Variants in RABGAP1L observed in about 807,000 individuals in gnomAD.
RABGAP1L encodes the protein RAB GTPase activating protein 1 like.
RABGAP1L carries 63 observed loss-of-function variants against 137.7 expected under a neutral mutation model. The ratio of observed to expected loss-of-function variants is 0.46; its 90% CI spans 0.37 to 0.56. RABGAP1L has a LOEUF of 0.56. RABGAP1L is among the 20% of genes least tolerant of loss of function. The pLI is 0.00. For missense variants in RABGAP1L, 1,095 were observed against 1,244.0 expected, an observed-to-expected ratio of 0.88 and a Z score of 1.80; for synonymous variants, 431 against 433.7, an observed-to-expected ratio of 0.99 and a Z score of 0.08.
chr1:174,574,055 T>C (rs1196753466), intron 13 of RABGAP1L, among the ~76,000 whole-genome samples: 2 of 152,230 alleles, frequency 1.3e-5, no homozygotes, highest in Non-Finnish European at 2.9e-5. Context: ...ATAAGAGGCA[T>C]GCTAATTACG....
chr1:174,719,354 A>G (rs1296903154), intron 17 of RABGAP1L, among the ~76,000 whole-genome samples: 1 of 152,222 alleles, frequency 6.6e-6, no homozygotes, highest in Non-Finnish European at 1.5e-5. Context: ...CTGTCTTCCT[A>G]TCTTCAACCT....
At chr1:174,685,520 T>A (rs930668470) in intron 15 of RABGAP1L, among the ~76,000 whole-genome samples, 4 of 151,774 alleles carry the variant, frequency 2.6e-5, no homozygotes, top group Non-Finnish European at 5.9e-5. Flanking sequence ...CCCAAAGTGC[T>A]GGGATTACAG....
intron 19 of RABGAP1L, among the ~76,000 whole-genome samples, chr1:174,923,062 T>G (rs1369331166): frequency 1.3e-5 from 2 of 151,548 alleles, no homozygotes; most frequent in African/African-American, 2.4e-5. Flanking sequence ...TCCCAGCTAC[T>G]TGGGGGGTCA....
At chr1:174,357,990 C>G (rs577349280) in intron 11 of RABGAP1L, among the ~76,000 whole-genome samples, 61 of 152,318 alleles carry the variant, frequency 4.0e-4, no homozygotes, top group African/African-American at 1.5e-3. Context: ...ATGTTAGATA[C>G]AGACAACTGA....
chr1:174,477,610 G>A (rs1185497722), intron 13 of RABGAP1L, among the ~76,000 whole-genome samples: 1 of 152,058 alleles, frequency 6.6e-6, no homozygotes, highest in Non-Finnish European at 1.5e-5. Context: ...TGGACATCTG[G>A]ACATCTTTTT....
intron 13 of RABGAP1L, among the ~76,000 whole-genome samples, chr1:174,563,242 T>G (rs1244056943): frequency 6.6e-6 from 1 of 152,214 alleles, no homozygotes; most frequent in Admixed American, 6.5e-5. Flanking sequence ...GTGCTTAAAC[T>G]TAAAATTTAT....
At chr1:174,621,827 G>A (rs1354963797) in intron 13 of RABGAP1L, among the ~76,000 whole-genome samples, 2 of 152,150 alleles carry the variant, frequency 1.3e-5, no homozygotes, top group African/African-American at 4.8e-5. Context: ...AAAAAGTAAT[G>A]GCAACAAAAG....
At position 174,547,499 on chromosome 1, in the gene RABGAP1L, C is replaced by T. The variant is rs566497095; in HGVS notation, c.1711-89876C>T. 2.0e-5 allele frequency among the ~76,000 whole-genome samples: 3 copies of T among 152,186 alleles called. No individual in the cohort carries two copies. In the East Asian group the frequency reaches 5.8e-4, roughly 29 times the overall value. ...GGATGTGATAGTGTGTGCCTGTATG[C>T]CCAGGTACTTAGGTGGCTGAGGTGG... On this transcript the variant is annotated intron_variant, in intron 13 of 25. Coordinates refer to ENST00000681986, the MANE Select transcript of RABGAP1L (RefSeq NM_001366446.1).
chr1:174,596,854 G>C (rs560178634), intron 13 of RABGAP1L, among the ~76,000 whole-genome samples: 1 of 152,022 alleles, frequency 6.6e-6, no homozygotes, highest in African/African-American at 2.4e-5. Context: ...TTTTCTATAT[G>C]GCTTTTATTG....
intron 12 of RABGAP1L, among the ~76,000 whole-genome samples, chr1:174,378,002 T>C (rs1345807158): frequency 7.3e-6 from 1 of 137,084 alleles, no homozygotes; most frequent in Non-Finnish European, 1.5e-5. Context: ...GATCTCATTG[T>C]TCAATTCTCA....
intron 13 of RABGAP1L, among the ~76,000 whole-genome samples, chr1:174,537,126 C>T (rs1309777550): frequency 6.6e-6 from 1 of 152,102 alleles, no homozygotes; most frequent in Non-Finnish European, 1.5e-5. Context: ...ATTTCATAAA[C>T]CTCTTTTTAG....
chr1:174,440,092 T>C (rs1390004633), intron 13 of RABGAP1L, among the ~76,000 whole-genome samples: 1 of 152,092 alleles, frequency 6.6e-6, no homozygotes, highest in African/African-American at 2.4e-5. Context: ...CCTGAGGCCG[T>C]AGGGAACATA....
chr1:174,415,558 T>G (rs1207154513), intron 13 of RABGAP1L, among the ~76,000 whole-genome samples: 1 of 152,070 alleles, frequency 6.6e-6, no homozygotes, highest in Admixed American at 6.6e-5. Flanking sequence ...GGTGACAAAT[T>G]TTTTGAAGAC....
At chr1:174,879,406 T>TG (rs57601375) in intron 19 of RABGAP1L, among the ~76,000 whole-genome samples, 1 of 151,560 alleles carries the variant, frequency 6.6e-6, no homozygotes, top group African/African-American at 2.4e-5. Context: ...CCTTTTTTTT[T>TG]GTATTTTTAG....
chr1:174,386,653 A>G (rs1331234253), intron 12 of RABGAP1L, among the ~76,000 whole-genome samples: 1 of 151,718 alleles, frequency 6.6e-6, no homozygotes, highest in Non-Finnish European at 1.5e-5. Flanking sequence ...GATTACAGGT[A>G]TGGGCCACCA....
chr1:174,167,938 G>A (rs1477797935), intron 1 of RABGAP1L, among the ~76,000 whole-genome samples: 7 of 152,032 alleles, frequency 4.6e-5, no homozygotes. Flanking sequence ...GTGTTTCTTT[G>A]AATAGTTTAT....
At chr1:174,436,761 G>T (rs1348089530) in intron 13 of RABGAP1L, among the ~76,000 whole-genome samples, 1 of 152,166 alleles carries the variant, frequency 6.6e-6, no homozygotes, top group Non-Finnish European at 1.5e-5. Flanking sequence ...AGAATGGGCA[G>T]ACTGCCTCCT....
intron 14 of RABGAP1L, among the ~76,000 whole-genome samples, chr1:174,643,265 G>A (rs1007873069): frequency 1.3e-5 from 2 of 152,102 alleles, no homozygotes; most frequent in Admixed American, 1.3e-4. Context: ...GTGCTTTTGA[G>A]GAATCAGGAA....
At chr1:174,238,645 G>A (rs1409034551) in intron 4 of RABGAP1L, among the ~76,000 whole-genome samples, 4 of 150,048 alleles carry the variant, frequency 2.7e-5, no homozygotes, top group Non-Finnish European at 5.9e-5. Context: ...CCAGCTGCGT[G>A]CTGGGAGAAC....
Sources: allele counts gnomAD v4.1 joint callset (sites outside exome capture counted in the v4.1 genomes callset), GRCh38; gene constraint gnomAD v4.1.1; transcripts MANE v1.5; gene names NCBI Gene and HGNC (gene_info 2026-07-23, HGNC 2026-07-21).